NEGR1: variants seen among roughly 807,000 people sequenced by gnomAD.
The protein encoded by NEGR1 is IgLON family member 4.
In NEGR1, 10 loss-of-function variants were observed where a neutral mutation model predicts 40.9. The observed-to-expected ratio is 0.24, with a 90% CI of 0.15 to 0.42. The LOEUF (loss-of-function observed/expected upper bound fraction) is 0.42, where lower values mean the gene tolerates loss of function less well. Among genes scored for constraint, NEGR1 ranks in the 10% least tolerant of loss-of-function variants. The pLI is 1.00. For synonymous variants in NEGR1, 185 were observed against 166.8 expected, an observed-to-expected ratio of 1.11 and a Z score of -0.84; for missense variants, 352 against 438.9, an observed-to-expected ratio of 0.80 and a Z score of 1.77.
At chr1:71,492,984 G>A (rs1646939376) in intron 6 of NEGR1, among the ~76,000 whole-genome samples, 1 of 152,042 alleles carries the variant, frequency 6.6e-6, no homozygotes, top group African/African-American at 2.4e-5. Flanking sequence ...TCTCCTAGCT[G>A]TTGCACAGTT....
chr1:72,092,476 T>C (rs999146991), intron 1 of NEGR1, among the ~76,000 whole-genome samples: 7 of 152,132 alleles, frequency 4.6e-5, no homozygotes, highest in African/African-American at 1.4e-4. Context: ...GAAACATGCC[T>C]TTAAAAATCA....
intron 1 of NEGR1, chr1:72,274,438 C>G (rs956794215): frequency 1.8e-6 from 1 of 543,672 alleles, no homozygotes; most frequent in African/African-American, 1.9e-5. Context: ...AGATGGCACA[C>G]AACTGTATGG....
intron 1 of NEGR1, among the ~76,000 whole-genome samples, chr1:72,157,399 A>T (rs1174774263): frequency 6.6e-6 from 1 of 152,178 alleles, no homozygotes; most frequent in Non-Finnish European, 1.5e-5. Flanking sequence ...ATTTAGTATA[A>T]ATGTTAATTC....
At chr1:71,637,969 C>G (rs189357486) in intron 4 of NEGR1, among the ~76,000 whole-genome samples, 1 of 152,028 alleles carries the variant, frequency 6.6e-6, no homozygotes, top group East Asian at 1.9e-4. Flanking sequence ...ATTTAAAACC[C>G]CATATGTCTG....
chr1:71,859,501 C>T (rs1056481749), intron 2 of NEGR1, among the ~76,000 whole-genome samples: 2 of 151,986 alleles, frequency 1.3e-5, no homozygotes, highest in Non-Finnish European at 2.9e-5. Flanking sequence ...TGGACAGACA[C>T]ACACTGTAGA....
chr1:72,106,962 T>G (rs1649158289), intron 1 of NEGR1, among the ~76,000 whole-genome samples: 1 of 151,770 alleles, frequency 6.6e-6, no homozygotes, highest in African/African-American at 2.4e-5. Context: ...TCCAAGAAAA[T>G]TTAGAATTGT....
At chr1:71,627,892 T>G (rs1196084166) in intron 4 of NEGR1, among the ~76,000 whole-genome samples, 1 of 152,010 alleles carries the variant, frequency 6.6e-6, no homozygotes, top group Non-Finnish European at 1.5e-5. Flanking sequence ...ATGTGAATAT[T>G]ATGTGAATGA....
chr1:72,253,859 G>A (rs1026565457), intron 1 of NEGR1, among the ~76,000 whole-genome samples: 8 of 152,086 alleles, frequency 5.3e-5, no homozygotes, highest in Non-Finnish European at 1.2e-4. Flanking sequence ...ATGTGTTGTT[G>A]GAGGAAAAGA....
intron 1 of NEGR1, among the ~76,000 whole-genome samples, chr1:72,062,829 G>C (rs973912427): frequency 6.6e-6 from 1 of 151,896 alleles, no homozygotes; most frequent in Non-Finnish European, 1.5e-5. Context: ...GTCTTGCAAA[G>C]GAAACCAGGG....
intron 1 of NEGR1, among the ~76,000 whole-genome samples, chr1:72,232,334 T>G (rs760055476): frequency 6.7e-6 from 1 of 150,330 alleles, no homozygotes; most frequent in African/African-American, 2.4e-5. Context: ...CCAGCCTGGG[T>G]GACAGAGCCA....
intron 6 of NEGR1, among the ~76,000 whole-genome samples, chr1:71,524,439 CT>C (rs1370341776): frequency 4.0e-5 from 6 of 149,736 alleles, no homozygotes; most frequent in African/African-American, 1.5e-4. Flanking sequence ...AAATCATTAC[CT>C]TTTTAATAGT....
intron 1 of NEGR1, among the ~76,000 whole-genome samples, chr1:72,218,104 T>G (rs1330248699): frequency 6.6e-6 from 1 of 151,578 alleles, no homozygotes; most frequent in East Asian, 1.9e-4. Context: ...CTTTAAAATT[T>G]TTCTTTACCT....
intron 1 of NEGR1, among the ~76,000 whole-genome samples, chr1:72,256,154 G>A (rs1182984974): frequency 6.6e-6 from 1 of 152,182 alleles, no homozygotes; most frequent in East Asian, 1.9e-4. Context: ...AGTCTTAGTA[G>A]CTTGCAGTTT....
chr1:71,648,894 A>T (rs776625170), intron 4 of NEGR1, among the ~76,000 whole-genome samples: 15 of 152,018 alleles, frequency 9.9e-5, no homozygotes, highest in Admixed American at 3.3e-4. Context: ...AATGAAACCT[A>T]AATCTTCTTT....
chr1:71,592,769 G>A (rs1372450154), intron 6 of NEGR1, 48 bp downstream of exon 6: 2 of 1,504,004 alleles, frequency 1.3e-6, no homozygotes, highest in African/African-American at 1.4e-5. Context: ...CAGATGGATA[G>A]GGGCCCAGAG....
At chr1:71,764,369 T>G (rs897725233) in intron 3 of NEGR1, among the ~76,000 whole-genome samples, 2 of 152,256 alleles carry the variant, frequency 1.3e-5, no homozygotes, top group Admixed American at 1.3e-4. Context: ...AATACATTCT[T>G]AAATAAATGT....
chr1:71,615,379 A>G (rs1650416102), intron 4 of NEGR1, among the ~76,000 whole-genome samples: 1 of 152,226 alleles, frequency 6.6e-6, no homozygotes, highest in East Asian at 1.9e-4. Context: ...AAGGAAGAGC[A>G]AGATATGTTA....
chr1:72,040,536 C>T (rs1389663300), intron 1 of NEGR1, among the ~76,000 whole-genome samples: 1 of 123,816 alleles, frequency 8.1e-6, no homozygotes, highest in Non-Finnish European at 1.6e-5. Flanking sequence ...AGCCTGCTAA[C>T]CCTCGGCAGT....
intron 1 of NEGR1, among the ~76,000 whole-genome samples, chr1:71,993,003 G>A (rs1013878523): frequency 3.3e-5 from 5 of 152,056 alleles, no homozygotes; most frequent in African/African-American, 1.2e-4. Flanking sequence ...TACTCATTGC[G>A]GATTTCCAAA....
Sources: allele counts gnomAD v4.1 joint callset (sites outside exome capture counted in the v4.1 genomes callset), GRCh38; gene constraint gnomAD v4.1.1; transcripts MANE v1.5; gene names NCBI Gene and HGNC (gene_info 2026-07-23, HGNC 2026-07-21).